Variants in EMB observed in about 807,000 individuals in gnomAD.
The protein encoded by EMB is embigin.
In EMB, 31 loss-of-function variants were observed where a neutral mutation model predicts 41.4. The ratio of observed to expected loss-of-function variants is 0.75; its 90% confidence interval spans 0.56 to 1.01. The LOEUF (loss-of-function observed/expected upper bound fraction) is 1.01, where lower values mean the gene tolerates loss of function less well. EMB is among the 50% of genes least tolerant of loss of function. EMB has a pLI of 0.00. For missense variants in EMB, 379 were observed against 388.3 expected, an observed-to-expected ratio of 0.98 and a Z score of 0.20; for synonymous variants, 137 against 140.4, an observed-to-expected ratio of 0.98 and a Z score of 0.17.
intron 2 of EMB, among the ~76,000 whole-genome samples, chr5:50,423,334 A>G (rs569896145): frequency 1.3e-5 from 2 of 152,352 alleles, no homozygotes; most frequent in South Asian, 4.1e-4. Flanking sequence ...GAAGAGAGAC[A>G]GAAATGGTGG....
chr5:50,398,878 T>A lies in EMB; in HGVS notation c.*395A>T, dbSNP rs116032159. 9,672 of 154,672 alleles carry A rather than the reference T, an allele frequency of 0.063. 910 individuals carry two copies. Among genetic ancestry groups the A allele is most frequent in the African/African-American group, 0.2 (8,498 of 41,486 alleles). 9.6% of individuals were successfully genotyped at this position (154,672 alleles called of 1,614,324 possible). A position where few individuals can be genotyped will look rare whatever the true frequency, so the allele number is the denominator to read the frequency against. On this transcript the variant is annotated 3_prime_UTR_variant, in exon 9 of 9. Coordinates refer to ENST00000303221, the MANE Select transcript of EMB (RefSeq NM_198449.3). ...TACTAATAGTAAGTATGATTTTTTT[T>A]TAAAAAATAACTTTCTAAGACAAAT... is the stretch of plus-strand genomic sequence containing the variant.
intron 4 of EMB, 22 bp from the exon 5 acceptor site, chr5:50,405,874 G>C: frequency 6.4e-7 from 1 of 1,565,200 alleles, no homozygotes; most frequent in Non-Finnish European, 8.6e-7. Context: ...ATAGAGAAAT[G>C]TATGTTACTG....
At position 50,423,297 on chromosome 5, in the gene EMB, C is replaced by T. The variant is rs144255045; in HGVS notation, c.196+4847G>A. Among the ~76,000 whole-genome samples the T allele has an allele frequency of 4.7e-3, 712 of 151,996 alleles. 5 individuals carry two copies. Among genetic ancestry groups the T allele is most frequent in the African/African-American group, 0.016 (679 of 41,438 alleles). ...CATGGGAAAGAAACACATTGAACAG[C>T]GTATACCATTGTAAAAGAGGAGAAG... On this transcript the variant is annotated intron_variant, in intron 2 of 8. Transcript: ENST00000303221.
At chr5:50,407,334 G>A (rs1745265159) in intron 4 of EMB, among the ~76,000 whole-genome samples, 1 of 151,638 alleles carries the variant, frequency 6.6e-6, no homozygotes, top group Non-Finnish European at 1.5e-5. Context: ...TGCTTGGGAA[G>A]CATAATGGAA....
rs58712109 is a variant in EMB at position 50,419,548 on chromosome 5, TAC to T, written c.197-8167_197-8166del. On this transcript the variant is annotated intron_variant, in intron 2 of 8. Transcript: ENST00000303221. ...AACCCCCACTACATACACACACACA[TAC>T]ACACACACACACACACACACAGATA... Among the ~76,000 whole-genome samples the T allele has an allele frequency of 2.6e-3, 377 of 146,984 alleles. 4 individuals carry two copies. The highest frequency in any genetic ancestry group is 0.015 in the East Asian group (70 of 4,768).
chr5:50,441,704 T>C (rs1183589317), upstream of EMB, among the ~76,000 whole-genome samples: 1 of 152,216 alleles, frequency 6.6e-6, no homozygotes, highest in Non-Finnish European at 1.5e-5. Context: ...TGTGTTAATC[T>C]TTCTTTGCTT....
At chr5:50,441,372 C>T (rs1345302624), upstream of EMB, 2 of 355,222 alleles carry the variant, frequency 5.6e-6, no homozygotes, top group Non-Finnish European at 1.0e-5. Context: ...TTATGCAGCC[C>T]TCAGCCGGCT....
chr5:50,421,754 A>G (rs1745527837), intron 2 of EMB, among the ~76,000 whole-genome samples: 1 of 151,998 alleles, frequency 6.6e-6, no homozygotes, highest in Non-Finnish European at 1.5e-5. Context: ...AGGGACGTGG[A>G]TGAAGCTGGA....
intron 5 of EMB, among the ~76,000 whole-genome samples, chr5:50,404,471 C>CA (rs1745217156): frequency 2.0e-5 from 3 of 151,990 alleles, no homozygotes; most frequent in Admixed American, 2.0e-4. Context: ...TCCTATTCCC[C>CA]AAACTTTTCT....
intron 4 of EMB, among the ~76,000 whole-genome samples, chr5:50,407,600 A>C (rs1180903277): frequency 6.6e-6 from 1 of 152,050 alleles, no homozygotes; most frequent in African/African-American, 2.4e-5. Flanking sequence ...TATATGGCTA[A>C]TAACAGCAGT....
intron 2 of EMB, among the ~76,000 whole-genome samples, chr5:50,422,656 C>T (rs180700761): frequency 3.3e-5 from 5 of 151,970 alleles, no homozygotes; most frequent in Admixed American, 2.0e-4. Flanking sequence ...GAAAAGTATG[C>T]AAATAATAGG....
upstream of EMB, chr5:50,441,378 C>G (rs559798961): frequency 2.9e-6 from 1 of 345,784 alleles, no homozygotes; most frequent in Non-Finnish European, 5.2e-6. Context: ...AGCCCTCAGC[C>G]GGCTGCTGGC....
chr5:50,423,344 G>A (rs1745557278), intron 2 of EMB, among the ~76,000 whole-genome samples: 1 of 152,046 alleles, frequency 6.6e-6, no homozygotes. Context: ...AGAAATGGTG[G>A]GTAATTCAAT....
chr5:50,433,010 G>A (rs1390837822), intron 1 of EMB, among the ~76,000 whole-genome samples: 3 of 151,972 alleles, frequency 2.0e-5, no homozygotes, highest in Non-Finnish European at 2.9e-5. Flanking sequence ...CCCGGCAGTC[G>A]GAGGTTGCAG....
intron 2 of EMB, 26 bp downstream of exon 2, chr5:50,428,118 C>A: frequency 6.6e-7 from 1 of 1,516,246 alleles, no homozygotes; most frequent in Non-Finnish European, 9.0e-7. Context: ...TTTCGAATTG[C>A]ATTATTTGAA....
chr5:50,431,647 A>T, intron 1 of EMB, among the ~76,000 whole-genome samples: 1 of 152,230 alleles, frequency 6.6e-6, no homozygotes, highest in East Asian at 1.9e-4. Flanking sequence ...GAAAAGTTGT[A>T]TAAATATGAG....
chr5:50,419,893 G>A (rs557751284), intron 2 of EMB, among the ~76,000 whole-genome samples: 94 of 152,276 alleles, frequency 6.2e-4, no homozygotes, highest in African/African-American at 2.2e-3. Flanking sequence ...CATGGACGAA[G>A]CTGGAAGTCA....
At chr5:50,440,533 C>CAAAAAAAAAAAAAAA (rs70972912) in intron 1 of EMB, among the ~76,000 whole-genome samples, 6 of 60,054 alleles carry the variant, frequency 1.0e-4, no homozygotes, top group African/African-American at 4.1e-4. Flanking sequence ...AACTCCGTCT[C>CAAAAAAAAAAAAAAA]AAAAAAAAAA....
intron 1 of EMB, among the ~76,000 whole-genome samples, chr5:50,437,411 T>A (rs900981637): frequency 6.6e-6 from 1 of 152,244 alleles, no homozygotes; most frequent in Non-Finnish European, 1.5e-5. Flanking sequence ...GTTACTCTTT[T>A]TCCCTTGATA....
Sources: allele counts gnomAD v4.1 joint callset (sites outside exome capture counted in the v4.1 genomes callset), GRCh38; gene constraint gnomAD v4.1.1; transcripts MANE v1.5; gene names NCBI Gene and HGNC (gene_info 2026-07-23, HGNC 2026-07-21).